The following SASH1 variants were observed in gnomAD, a reference collection of about 807,000 sequenced individuals.
The protein encoded by SASH1 is SAM and SH3 domain containing 1, also known as SAM and SH3 domain-containing protein 1.
SASH1 carries 44 observed loss-of-function variants against 125.2 expected under a neutral mutation model. The observed-to-expected ratio is 0.35, with a 90% CI of 0.28 to 0.45. SASH1 has a LOEUF of 0.45. Ranked by LOEUF, SASH1 falls within the 20% of genes least tolerant of loss-of-function variation. The pLI, the probability that SASH1 is intolerant of heterozygous loss-of-function variation, is 1.00. For synonymous variants in SASH1, 639 were observed against 649.1 expected (o/e 0.98, Z 0.24); for missense variants, 1,426 against 1,614.5 (o/e 0.88, Z 2.00).
chr6:148,404,434 A>G (rs918183725), intron 2 of SASH1, among the ~76,000 whole-genome samples: 1 of 152,164 alleles, frequency 6.6e-6, no homozygotes, highest in Non-Finnish European at 1.5e-5. Context: ...TAAAATGGGT[A>G]TACAAATATA....
chr6:148,414,855 G>A (rs1784760777), intron 2 of SASH1, among the ~76,000 whole-genome samples: 1 of 152,030 alleles, frequency 6.6e-6, no homozygotes, highest in African/African-American at 2.4e-5. Context: ...TCTTGGCCAG[G>A]CTGGTCTTGA....
At chr6:148,362,284 G>A (rs549302349) in intron 1 of SASH1, among the ~76,000 whole-genome samples, 10 of 150,594 alleles carry the variant, frequency 6.6e-5, no homozygotes, top group Non-Finnish European at 1.0e-4. Flanking sequence ...GTGCAGTGGC[G>A]CCATCTTGGC....
the SASH1 span, among the ~76,000 whole-genome samples, chr6:148,217,052 G>T: frequency 5.3e-5 from 8 of 152,236 alleles, no homozygotes; most frequent in East Asian, 7.7e-4. Flanking sequence ...CTATCAGGAA[G>T]ATAGTAATAG....
intron 18 of SASH1, among the ~76,000 whole-genome samples, chr6:148,545,623 C>T (rs1021499935): frequency 1.3e-5 from 2 of 152,178 alleles, no homozygotes; most frequent in East Asian, 1.9e-4. Flanking sequence ...CTGATTGAGG[C>T]GAAGGCATTG....
chr6:148,469,276 G>A (rs932752790), intron 5 of SASH1, among the ~76,000 whole-genome samples: 2 of 152,176 alleles, frequency 1.3e-5, no homozygotes, highest in Non-Finnish European at 2.9e-5. Flanking sequence ...GAACAATGAT[G>A]TGTCATATAA....
chr6:148,258,693 G>C, the SASH1 span, among the ~76,000 whole-genome samples: 3 of 152,210 alleles, frequency 2.0e-5, no homozygotes, highest in African/African-American at 7.2e-5. Flanking sequence ...CATAGATTCA[G>C]TCTGTAATCA....
chr6:148,338,049 A>G (rs957012798), upstream of SASH1, among the ~76,000 whole-genome samples: 3 of 109,202 alleles, frequency 2.7e-5, no homozygotes, highest in Non-Finnish European at 6.6e-5. Flanking sequence ...CCCATCTTCA[A>G]TGGAATATCT....
At chr6:148,430,900 TA>T (rs373293136) in intron 2 of SASH1, among the ~76,000 whole-genome samples, 16 of 152,278 alleles carry the variant, frequency 1.1e-4, no homozygotes, top group African/African-American at 3.4e-4. Flanking sequence ...ATAGCCCTTT[TA>T]GAGTAAAAAA....
chr6:148,252,166 C>G, the SASH1 span, among the ~76,000 whole-genome samples: 3 of 152,008 alleles, frequency 2.0e-5, no homozygotes, highest in African/African-American at 4.8e-5. Flanking sequence ...TCGAAAACCA[C>G]AAGGGAAATG....
In SASH1 at chr6:148,532,710, C is replaced by G; in HGVS notation, c.1565-87C>G. The G allele has an allele frequency of 1.3e-6, 2 of 1,484,876 alleles. No homozygotes were observed. Among genetic ancestry groups the G allele is most frequent in the Non-Finnish European group, 1.8e-6 (2 of 1,084,596 alleles). 92.0% of individuals were successfully genotyped at this position (1,484,876 alleles called of 1,614,324 possible). ...GCTTCCTTTCTCTGGGCCTTCATTT[C>G]CTAATCTGCCATACCTTCAATACCT... is the stretch of plus-strand genomic sequence containing the variant. On this transcript the variant is annotated intron_variant, in intron 13 of 19. Transcript: ENST00000367467. The surrounding 1 kb of genome is among the most constrained non-coding windows in gnomAD (Gnocchi z 4.7).
At chr6:148,388,214 C>T (rs1275497759) in intron 1 of SASH1, among the ~76,000 whole-genome samples, 1 of 152,160 alleles carries the variant, frequency 6.6e-6, no homozygotes, top group Non-Finnish European at 1.5e-5. Context: ...TGCGCCCGGC[C>T]CAGGTTCTGT....
chr6:148,303,826 T>TAAATAAAA (rs1780044238), intron 1 of SASH1, among the ~76,000 whole-genome samples: 1 of 147,208 alleles, frequency 6.8e-6, no homozygotes, highest in Non-Finnish European at 1.5e-5. Context: ...AATAAATAAA[T>TAAATAAAA]AAAATAAAAA....
In SASH1 at chr6:148,409,079, CT is replaced by C. The variant is rs1784494333; in HGVS notation, c.285+18819del. 2.0e-5 allele frequency among the ~76,000 whole-genome samples: 3 copies of C among 152,166 alleles called. No individual in the cohort carries two copies. The South Asian group carries it at 6.2e-4, about 32-fold the overall frequency. ...TTCCCCAAGCTAAGTGGCTCTTGCC[CT>C]TGTGTACCTGCATTGCAGTTTTATG... On this transcript the variant is annotated intron_variant, in intron 2 of 19. Coordinates refer to ENST00000367467, the MANE Select transcript of SASH1 (RefSeq NM_015278.5).
At chr6:148,493,026 C>T (rs1164459615) in intron 8 of SASH1, among the ~76,000 whole-genome samples, 1 of 152,196 alleles carries the variant, frequency 6.6e-6, no homozygotes, top group East Asian at 1.9e-4. Flanking sequence ...ATGCTTCCTC[C>T]TCTCAGAGCA....
At chr6:148,310,101 C>CA (rs1327343427) in intron 1 of SASH1, among the ~76,000 whole-genome samples, 2 of 152,146 alleles carry the variant, frequency 1.3e-5, no homozygotes, top group Non-Finnish European at 2.9e-5. Flanking sequence ...GAGGGTGGAT[C>CA]ACCGGAGATC....
At chr6:148,309,836 G>A (rs952073192) in intron 1 of SASH1, among the ~76,000 whole-genome samples, 10 of 152,128 alleles carry the variant, frequency 6.6e-5, no homozygotes, top group Admixed American at 2.0e-4. Flanking sequence ...TTGGGCAAAG[G>A]AGAACAAAAA....
intron 9 of SASH1, among the ~76,000 whole-genome samples, chr6:148,518,672 C>T (rs1330314143): frequency 1.3e-5 from 2 of 152,184 alleles, no homozygotes; most frequent in African/African-American, 4.8e-5. Context: ...GGGACACAGC[C>T]AGTTGGGATC....
chr6:148,333,915 T>C (rs2114608208), intron 1 of SASH1, among the ~76,000 whole-genome samples: 2 of 151,864 alleles, frequency 1.3e-5, no homozygotes, highest in South Asian at 4.2e-4. Flanking sequence ...CTCTGCCTCT[T>C]GGGTTCAAGC....
chr6:148,237,289 A>G, the SASH1 span, among the ~76,000 whole-genome samples: 1 of 152,166 alleles, frequency 6.6e-6, no homozygotes, highest in Admixed American at 6.5e-5. Flanking sequence ...TAGAGATAGA[A>G]TGATCAAGAC....
Sources: gnomAD v4.1 joint callset for allele counts (sites outside exome capture counted in the v4.1 genomes callset) on GRCh38, gnomAD v4.1.1 for gene constraint, Gnocchi (gnomAD v3.1) non-coding constraint, MANE v1.5 for transcripts, NCBI Gene and HGNC (gene_info 2026-07-23, HGNC 2026-07-21) for gene names.